The following PTP4A3 variants were observed in gnomAD, a reference collection of about 807,000 sequenced individuals.
The protein encoded by PTP4A3 is protein tyrosine phosphatase type IVA 3.
In PTP4A3, 9 loss-of-function variants were observed where a neutral mutation model predicts 15.2. The ratio of observed to expected loss-of-function variants is 0.59; its 90% CI spans 0.36 to 1.03. PTP4A3 has a LOEUF of 1.03. PTP4A3 is among the 50% of genes least tolerant of loss of function. PTP4A3 has a pLI of 0.02. For missense variants in PTP4A3, 234 were observed against 252.1 expected (o/e 0.93, Z 0.49); for synonymous variants, 95 against 102.0 (o/e 0.93, Z 0.41).
chr8:141,395,564 C>T (rs1832424956), intron 1 of PTP4A3, among the ~76,000 whole-genome samples: 1 of 123,592 alleles, frequency 8.1e-6, no homozygotes, highest in African/African-American at 3.0e-5. Context: ...CCCCCACTTC[C>T]CCTTAGGTGC....
At chr8:141,397,541 C>T (rs1832482635) in intron 1 of PTP4A3, among the ~76,000 whole-genome samples, 1 of 152,234 alleles carries the variant, frequency 6.6e-6, no homozygotes. Flanking sequence ...TCCCCGCTGG[C>T]CTCAGTTGGG....
chr8:141,417,949 G>C (rs888538363), intron 1 of PTP4A3, among the ~76,000 whole-genome samples: 2 of 151,788 alleles, frequency 1.3e-5, no homozygotes, highest in East Asian at 1.9e-4. Context: ...GCGGCGCCCC[G>C]ACCCAGGGCC....
chr8:141,412,873 C>T (rs572334540), intron 1 of PTP4A3, among the ~76,000 whole-genome samples: 6 of 152,296 alleles, frequency 3.9e-5, no homozygotes, highest in East Asian at 1.9e-4. Context: ...ATGCACGGGA[C>T]GGTTTTGCAG....
chr8:141,401,998 C>T (rs542426292), intron 1 of PTP4A3, among the ~76,000 whole-genome samples: 18 of 152,284 alleles, frequency 1.2e-4, no homozygotes, highest in African/African-American at 3.4e-4. Context: ...CTCCAGCTCC[C>T]GGGATCCCAC....
At chr8:141,411,978 T>C (rs1356069452) in intron 1 of PTP4A3, among the ~76,000 whole-genome samples, 2 of 152,172 alleles carry the variant, frequency 1.3e-5, no homozygotes, top group Non-Finnish European at 2.9e-5. Context: ...AATGGGGTGA[T>C]GGGCGCCTTC....
intron 1 of PTP4A3, among the ~76,000 whole-genome samples, chr8:141,405,303 G>A (rs1376536473): frequency 6.6e-6 from 1 of 152,198 alleles, no homozygotes; most frequent in Non-Finnish European, 1.5e-5. Flanking sequence ...TGCTTGGCAT[G>A]TCCAGTCTTC....
Position 141,406,830 on chromosome 8 carries a change from TG to T in PTP4A3, c.-853-14557del, listed in dbSNP as rs1563727233. Among the ~76,000 whole-genome samples the T allele has an allele frequency of 6.6e-6, 1 of 152,222 alleles. No homozygotes were observed. Among genetic ancestry groups the T allele is most frequent in the African/African-American group, 2.4e-5 (1 of 41,454 alleles). ...CCTCTGAGCCGGCTTTGCCTCCTGC[TG>T]TTCCCACTGAGCGAATTAAATAAGT... is the stretch of plus-strand genomic sequence containing the variant. On this transcript the variant is annotated intron_variant, in intron 1 of 5. Transcript: ENST00000521578. The surrounding 1 kb of genome is among the most constrained non-coding windows in gnomAD (Gnocchi z 4.5).
rs1188286008 is a variant in PTP4A3, at chr8:141,421,463, G to C, written c.-778G>C. 9.8e-5 allele frequency: 15 copies of C among 152,356 alleles called. No individual in the cohort carries two copies. The highest frequency in any genetic ancestry group is 2.9e-4 in the African/African-American group (12 of 41,456). 9.4% of individuals were successfully genotyped at this position (152,356 alleles called of 1,614,324 possible). A position where few individuals can be genotyped will look rare whatever the true frequency, so the allele number is the denominator to read the frequency against. ...CCAGCCCTAAGCACTGCTGCGCCCAGGGTCGCCGCGCCTCCTGCTGAGGGG... is the reference window on the plus strand; with the variant it reads ...CCAGCCCTAAGCACTGCTGCGCCCACGGTCGCCGCGCCTCCTGCTGAGGGG... On this transcript the variant is annotated 5_prime_UTR_variant, in exon 2 of 6. Coordinates refer to ENST00000521578, the MANE Select transcript of PTP4A3 (RefSeq NM_032611.3).
At chr8:141,394,695 T>TA (rs1029007514) in intron 1 of PTP4A3, among the ~76,000 whole-genome samples, 1 of 151,890 alleles carries the variant, frequency 6.6e-6, no homozygotes, top group Non-Finnish European at 1.5e-5. Flanking sequence ...ATGTGTGAGG[T>TA]AAAAAAGACT....
In PTP4A3 at chr8:141,392,100, G is replaced by A. The variant is rs1158051298; in HGVS notation, c.-854+16G>A. The A allele has an allele frequency of 6.8e-6, 1 of 146,782 alleles. No homozygotes were observed. Among genetic ancestry groups the A allele is most frequent in the Non-Finnish European group, 1.5e-5 (1 of 65,970 alleles). The allele number at this position is 146,782 out of a possible 1,614,324, so 9.1% of individuals were successfully genotyped here. On this transcript the variant is annotated intron_variant, in intron 1 of 5. Transcript: ENST00000521578. ...GGACCGCCAGGTCAGTCTCCTCCGC[G>A]CCCGCTCGGGGCGGGGGCGCGCGGC...
At chr8:141,408,866 G>A (rs1027125956) in intron 1 of PTP4A3, among the ~76,000 whole-genome samples, 1 of 152,214 alleles carries the variant, frequency 6.6e-6, no homozygotes, top group Non-Finnish European at 1.5e-5. Flanking sequence ...AGCTTGGTGT[G>A]CGCTAGAGAC....
At chr8:141,398,609 G>A (rs909736650) in intron 1 of PTP4A3, among the ~76,000 whole-genome samples, 5 of 152,108 alleles carry the variant, frequency 3.3e-5, no homozygotes, top group South Asian at 2.1e-4. Context: ...AGGGTCTCGG[G>A]TCCATGGCTG....
intron 5 of PTP4A3, among the ~76,000 whole-genome samples, chr8:141,430,122 C>A (rs535732686): frequency 6.8e-6 from 1 of 147,920 alleles, no homozygotes; most frequent in East Asian, 2.0e-4. Flanking sequence ...AGCGTACAGC[C>A]CAGGTTTCCG....
chr8:141,420,579 C>T (rs901165459), intron 1 of PTP4A3, among the ~76,000 whole-genome samples: 5 of 152,208 alleles, frequency 3.3e-5, no homozygotes, highest in African/African-American at 1.2e-4. Context: ...TGAACCCACT[C>T]CTGGCCACCT....
chr8:141,404,914 T>G (rs929029984), intron 1 of PTP4A3, among the ~76,000 whole-genome samples: 1 of 152,214 alleles, frequency 6.6e-6, no homozygotes, highest in African/African-American at 2.4e-5. Context: ...TACCACCAAC[T>G]GGCAGCACTC....
At chr8:141,428,820 G>C (rs1833706895) in intron 5 of PTP4A3, among the ~76,000 whole-genome samples, 1 of 152,214 alleles carries the variant, frequency 6.6e-6, no homozygotes, top group African/African-American at 2.4e-5. Flanking sequence ...TCACAGGCAG[G>C]TGTGTGAACA....
At chr8:141,394,898 G>A (rs1397176801) in intron 1 of PTP4A3, among the ~76,000 whole-genome samples, 2 of 152,254 alleles carry the variant, frequency 1.3e-5, no homozygotes, top group Non-Finnish European at 2.9e-5. Flanking sequence ...GCCTGACTTC[G>A]GCGCCCCGCG....
chr8:141,424,660 G>A (rs553295066), intron 2 of PTP4A3, among the ~76,000 whole-genome samples: 2 of 151,996 alleles, frequency 1.3e-5, no homozygotes, highest in Non-Finnish European at 2.9e-5. Context: ...GGGCAGCTGG[G>A]GTCCCAGCTG....
intron 1 of PTP4A3, among the ~76,000 whole-genome samples, chr8:141,413,872 T>C (rs1157504374): frequency 6.6e-6 from 1 of 150,560 alleles, no homozygotes; most frequent in Admixed American, 6.6e-5. Context: ...AGATGCGGTA[T>C]GGACAGGAGG....
Sources: gnomAD v4.1 joint callset for allele counts (sites outside exome capture counted in the v4.1 genomes callset) on GRCh38, gnomAD v4.1.1 for gene constraint, Gnocchi (gnomAD v3.1) non-coding constraint, MANE v1.5 for transcripts, NCBI Gene and HGNC (gene_info 2026-07-23, HGNC 2026-07-21) for gene names.